Variants in KY observed in about 807,000 individuals in gnomAD.
KY encodes the protein kyphoscoliosis peptidase.
In KY, 43 loss-of-function variants were observed where a neutral mutation model predicts 76.1. The ratio of observed to expected loss-of-function variants is 0.57; its 90% CI spans 0.44 to 0.73. The LOEUF is 0.73. Among genes scored for constraint, KY ranks in the 30% least tolerant of loss-of-function variants. The probability of loss-of-function intolerance (pLI) is 0.00; values close to 1 mark genes in which losing one functional copy is unlikely to be tolerated. For synonymous variants in KY, 277 were observed against 326.2 expected (o/e 0.85, Z 1.63); for missense variants, 722 against 828.9 (o/e 0.87, Z 1.58).
chr3:134,644,103 G>A (rs901643480), intron 2 of KY, among the ~76,000 whole-genome samples: 3 of 152,172 alleles, frequency 2.0e-5, no homozygotes, highest in African/African-American at 7.2e-5. Flanking sequence ...GGGATTATAG[G>A]CGTGAGCCAC....
chr3:134,614,616 C>T (rs1276266631), intron 8 of KY, among the ~76,000 whole-genome samples: 50 of 152,158 alleles, frequency 3.3e-4, no homozygotes, highest in Admixed American at 3.2e-3. Context: ...ACCTGGGTTA[C>T]CCTTGATGAA....
At chr3:134,628,453 G>T (rs562550939) in intron 4 of KY, among the ~76,000 whole-genome samples, 1 of 152,344 alleles carries the variant, frequency 6.6e-6, no homozygotes, top group South Asian at 2.1e-4. Flanking sequence ...GGGAGTTGAA[G>T]GTGGGGATGC....
At position 134,643,232 on chromosome 3, in the gene KY, C is replaced by T. The variant is rs538105374; in HGVS notation, c.262+84G>A. The T allele has an allele frequency of 3.7e-6, 5 of 1,358,242 alleles. No homozygotes were observed. In the South Asian group the frequency reaches 6.1e-5, roughly 17 times the overall value. The allele number at this position is 1,358,242 out of a possible 1,614,324, so 84.1% of individuals were successfully genotyped here. A position where few individuals can be genotyped will look rare whatever the true frequency, so the allele number is the denominator to read the frequency against. ...ACCCTGCTCCCCATAGTCTGAGCTC[C>T]ACATCCTGGGCTGTCGCTGGCCAGA... On this transcript the variant is annotated intron_variant, in intron 3 of 10. Transcript: ENST00000423778.
rs567780897 is a variant in KY, at chr3:134,622,695, A to AT, written c.484-1839dup. On this transcript the variant is annotated intron_variant, in intron 6 of 10. Transcript: ENST00000423778. ...ATGGCAAATTTTATGTTATTTTATG[A>AT]TAAAAAAAGAACAAATTAGCTTTCT... Among the ~76,000 whole-genome samples the AT allele has an allele frequency of 2.0e-4, 30 of 152,322 alleles. No individual in the cohort carries two copies. In the South Asian group the frequency reaches 4.4e-3, roughly 22 times the overall value.
At position 134,600,748 on chromosome 3, in the gene KY, C is replaced by G. The variant is rs1406152524; in HGVS notation, c.*2831G>C. On this transcript the variant is annotated 3_prime_UTR_variant, in exon 11 of 11. Coordinates refer to ENST00000423778, the MANE Select transcript of KY (RefSeq NM_178554.6). ...GTTCCATCCAGTCCTATGTCAAGTG[C>G]TTCTGTTTCAAGAAGTTATTTCCAG... 1.3e-5 allele frequency: 2 copies of G among 152,248 alleles called. No homozygotes were observed. The highest frequency in any genetic ancestry group is 4.8e-5 in the African/African-American group (2 of 41,444). 9.4% of individuals were successfully genotyped at this position (152,248 alleles called of 1,614,324 possible). A position where few individuals can be genotyped will look rare whatever the true frequency, so the allele number is the denominator to read the frequency against.
chr3:134,615,114 C>T (rs1961293091), intron 8 of KY: 1 of 152,170 alleles, frequency 6.6e-6, no homozygotes, highest in Non-Finnish European at 1.5e-5. Flanking sequence ...GCTCTCTTTT[C>T]CCTTTTCTTA....
Position 134,629,663 on chromosome 3 carries a change from C to T in KY, c.295G>A (p.Asp99Asn). 1 of 1,600,048 alleles carries T rather than the reference C, an allele frequency of 6.2e-7. No individual in the cohort carries two copies. The highest frequency in any genetic ancestry group is 8.5e-7 in the Non-Finnish European group (1 of 1,173,082). Reference sequence around the variant, plus strand: ...TTCTTGAGCAGCTGGGGCATGGCATCTCGAGGGTGGACTTCCACAGTCAGT... The same window carrying T: ...TTCTTGAGCAGCTGGGGCATGGCATTTCGAGGGTGGACTTCCACAGTCAGT... Reference protein sequence around the residue: ...TQLTVEVHPRDAMPQLLKKFS... With the variant: ...TQLTVEVHPRNAMPQLLKKFS... The change falls in exon 4 of 11, where the codon GAT becomes AAT. Residue 99 changes from aspartate (D) to asparagine (N), a missense_variant. Physicochemically the swap from Asp to Asn is conservative, Grantham distance 23 (BLOSUM62 1). This residue lies in a region of KY where 170 missense variants were observed against 148.1 expected (regional missense o/e 1.15). Coordinates refer to ENST00000423778, the MANE Select transcript of KY (RefSeq NM_178554.6).
At chr3:134,628,462 G>A (rs370708283) in intron 4 of KY, among the ~76,000 whole-genome samples, 1 of 152,192 alleles carries the variant, frequency 6.6e-6, no homozygotes, top group East Asian at 1.9e-4. Flanking sequence ...AGGTGGGGAT[G>A]CCAAGGCAGG....
chr3:134,608,871 C>T (rs764729234), intron 9 of KY, 32 bp from the exon 10 acceptor site: 1 of 1,583,510 alleles, frequency 6.3e-7, no homozygotes, highest in Non-Finnish European at 8.6e-7. Flanking sequence ...TAGCAGCCAG[C>T]TCCATGCAGG....
At chr3:134,637,238 T>C (rs748949189) in intron 3 of KY, among the ~76,000 whole-genome samples, 1 of 152,254 alleles carries the variant, frequency 6.6e-6, no homozygotes, top group Non-Finnish European at 1.5e-5. Context: ...ATAATTCAGT[T>C]CTGGTCGTAG....
At chr3:134,643,084 C>T (rs184919704) in intron 3 of KY, among the ~76,000 whole-genome samples, 2 of 152,250 alleles carry the variant, frequency 1.3e-5, no homozygotes, top group East Asian at 3.9e-4. Context: ...TGCTCTGAGG[C>T]CCATGGGCTT....
rs150083551 is a variant in KY at position 134,602,487 on chromosome 3, G to C, written c.*1092C>G. 6.6e-6 allele frequency among the ~76,000 whole-genome samples: 1 copy of C among 152,154 alleles called. No homozygotes were observed. Among genetic ancestry groups the C allele is most frequent in the African/African-American group, 2.4e-5 (1 of 41,438 alleles). Reference sequence around the variant, plus strand: ...CGAGACAGGCACAAAAGCTGCTCTCGTGCAGCTGGAATTCTTCCCAGCCCT... The same window carrying C: ...CGAGACAGGCACAAAAGCTGCTCTCCTGCAGCTGGAATTCTTCCCAGCCCT... On this transcript the variant is annotated 3_prime_UTR_variant, in exon 11 of 11. Coordinates refer to ENST00000423778, the MANE Select transcript of KY (RefSeq NM_178554.6).
rs749535488 is a variant in KY at position 134,629,699 on chromosome 3, C to T, written c.263-4G>A. On this transcript the variant is annotated splice_polypyrimidine_tract_variant and splice_region_variant and intron_variant, in intron 3 of 10. Transcript: ENST00000423778. Reference sequence around the variant, plus strand: ...ACTTCCACAGTCAGTTGTGTCCCTACAAAGGAAAAGGAGATGACATTCTCA... The same window carrying T: ...ACTTCCACAGTCAGTTGTGTCCCTATAAAGGAAAAGGAGATGACATTCTCA... 1 of 1,582,584 alleles carries T rather than the reference C, an allele frequency of 6.3e-7. No homozygotes were observed. The highest frequency in any genetic ancestry group is 1.8e-5 in the Admixed American group (1 of 55,374).
chr3:134,637,926 GC>G (rs1216422447), intron 3 of KY, among the ~76,000 whole-genome samples: 2 of 152,216 alleles, frequency 1.3e-5, no homozygotes, highest in African/African-American at 2.4e-5. Context: ...AGATGCTCCA[GC>G]CATCACTATT....
rs748761989 is a variant in KY at position 134,647,442 on chromosome 3, G to A, written c.192C>T (p.Asp64=). The A allele has an allele frequency of 3.1e-6, 5 of 1,608,592 alleles. No homozygotes were observed. Among genetic ancestry groups the A allele is most frequent in the Non-Finnish European group, 4.3e-6 (5 of 1,175,930 alleles). The change falls in exon 2 of 11, where the codon GAC becomes GAT. Residue 64 remains aspartate, a synonymous_variant. Transcript: ENST00000423778. ...VRRWQKLEGN[D]FHENLVEKQH... ...AGGAAAAAGAGAATTTACCGTGAAA[G>A]TCATTTCCTTCTAATTTCTGCCATC...
chr3:134,630,913 A>G (rs773356606), intron 3 of KY, among the ~76,000 whole-genome samples: 8 of 152,250 alleles, frequency 5.3e-5, no homozygotes, highest in Non-Finnish European at 1.0e-4. Flanking sequence ...AAAAGAAGAT[A>G]TAAAGGAGAA....
intron 9 of KY, among the ~76,000 whole-genome samples, chr3:134,609,198 G>A (rs1404227779): frequency 6.6e-6 from 1 of 152,184 alleles, no homozygotes; most frequent in Non-Finnish European, 1.5e-5. Flanking sequence ...GAGACAGAGT[G>A]CTTGAATTCA....
At chr3:134,627,608 A>G (rs1302826393) in intron 5 of KY, 148 bp downstream of exon 5, 9 of 674,312 alleles carry the variant, frequency 1.3e-5, no homozygotes, top group Non-Finnish European at 2.1e-5. Flanking sequence ...TTGCTAATCA[A>G]TCATGACACT....
intron 8 of KY, 78 bp from the exon 9 acceptor site, chr3:134,610,461 A>T (rs919647614): frequency 1.4e-5 from 19 of 1,311,772 alleles, no homozygotes; most frequent in Non-Finnish European, 2.0e-5. Context: ...CTCAGGTTTC[A>T]GGCATGTTTG....
Sources: gnomAD v4.1 joint callset for allele counts (sites outside exome capture counted in the v4.1 genomes callset) on GRCh38, gnomAD v4.1.1 for gene constraint, gnomAD v4.1.1 regional missense constraint, MANE v1.5 for transcripts, NCBI Gene and HGNC (gene_info 2026-07-23, HGNC 2026-07-21) for gene names.